DEPDC1B: variants seen among roughly 807,000 people sequenced by gnomAD.
The protein encoded by DEPDC1B is DEP domain containing 1B.
In DEPDC1B, 51 loss-of-function variants were observed where a neutral mutation model predicts 66.5. The ratio of observed to expected loss-of-function variants is 0.77; its 90% CI spans 0.61 to 0.97. The LOEUF (loss-of-function observed/expected upper bound fraction) is 0.97, where lower values mean the gene tolerates loss of function less well. Among genes scored for constraint, DEPDC1B ranks in the 50% least tolerant of loss-of-function variants. The pLI is 0.00. For synonymous variants in DEPDC1B, 226 were observed against 223.6 expected (o/e 1.01, Z -0.10); for missense variants, 552 against 637.1 (o/e 0.87, Z 1.44).
In DEPDC1B at chr5:60,644,696, A is replaced by G. The variant is rs768462930; in HGVS notation, c.709+49T>C. 1.2e-5 allele frequency: 18 copies of G among 1,517,032 alleles called. No individual in the cohort carries two copies. The Admixed American group carries it at 3.6e-4, about 31-fold the overall frequency. The allele number at this position is 1,517,032 out of a possible 1,614,324, so 94.0% of individuals were successfully genotyped here. A position where few individuals can be genotyped will look rare whatever the true frequency, so the allele number is the denominator to read the frequency against. On this transcript the variant is annotated intron_variant, in intron 5 of 10. Coordinates refer to ENST00000265036, the MANE Select transcript of DEPDC1B (RefSeq NM_018369.3). ...CAGAAAGGAGCTGATGGACCTGTGCAGCCAATATATTATGTCAATAAGTAA... is the reference window on the plus strand; with the variant it reads ...CAGAAAGGAGCTGATGGACCTGTGCGGCCAATATATTATGTCAATAAGTAA...
chr5:60,661,234 A>G (rs545525249), intron 2 of DEPDC1B, among the ~76,000 whole-genome samples: 1 of 152,326 alleles, frequency 6.6e-6, no homozygotes, highest in South Asian at 2.1e-4. Flanking sequence ...GTAAAGGACC[A>G]CTAGAATCCA....
intron 3 of DEPDC1B, among the ~76,000 whole-genome samples, chr5:60,646,134 T>C (rs961730695): frequency 1.3e-5 from 2 of 152,218 alleles, no homozygotes; most frequent in Admixed American, 6.5e-5. Flanking sequence ...CAAGGACAGC[T>C]GAAGATGGCA....
intron 2 of DEPDC1B, among the ~76,000 whole-genome samples, chr5:60,654,027 G>C (rs1753519838): frequency 6.7e-6 from 1 of 149,424 alleles, no homozygotes. Flanking sequence ...ATAGCTTGAA[G>C]TCAGGCAATG....
chr5:60,672,695 C>T lies in DEPDC1B; in HGVS notation c.314+14267G>A, dbSNP rs532464606. 6.6e-5 allele frequency among the ~76,000 whole-genome samples: 10 copies of T among 152,218 alleles called. No homozygotes were observed. In the South Asian group the frequency reaches 1.9e-3, roughly 28 times the overall value. The stretch of plus-strand genomic sequence containing the variant: ...TATATCCTAAAAACAGAAATGTTAG[C>T]AGTCTTACTTTGTAGATGAGGTCAC... On this transcript the variant is annotated intron_variant, in intron 2 of 10. Transcript: ENST00000265036.
chr5:60,667,378 T>C (rs1309245581), intron 2 of DEPDC1B, among the ~76,000 whole-genome samples: 2 of 150,186 alleles, frequency 1.3e-5, no homozygotes, highest in African/African-American at 4.9e-5. Flanking sequence ...ATATTTTACA[T>C]ATATACAAAA....
chr5:60,670,888 G>T (rs946526006), intron 2 of DEPDC1B, among the ~76,000 whole-genome samples: 1 of 152,164 alleles, frequency 6.6e-6, no homozygotes, highest in African/African-American at 2.4e-5. Context: ...GAAGAGAAAA[G>T]GAATCACTAT....
chr5:60,686,533 CA>C (rs1441597812), intron 2 of DEPDC1B, among the ~76,000 whole-genome samples: 1 of 152,166 alleles, frequency 6.6e-6, no homozygotes, highest in African/African-American at 2.4e-5. Context: ...GGAATTCTAG[CA>C]TAATTCTTCA....
In DEPDC1B at chr5:60,658,964, G is replaced by A. The variant is rs564658382; in HGVS notation, c.315-11431C>T. Among the ~76,000 whole-genome samples, 251 of 152,248 alleles carry A rather than the reference G, an allele frequency of 1.6e-3. 4 individuals carry two copies. The East Asian group carries it at 0.03, about 18-fold the overall frequency. ...GTGTCTGCTGTGCTTCTGATCCAGC[G>A]AGACACCCATTGCCGCTCCCAATCG... On this transcript the variant is annotated intron_variant, in intron 2 of 10. Transcript: ENST00000265036.
intron 7 of DEPDC1B, among the ~76,000 whole-genome samples, chr5:60,613,298 T>C (rs994430431): frequency 6.6e-5 from 10 of 152,190 alleles, no homozygotes; most frequent in African/African-American, 1.9e-4. Context: ...AGTAGACTCA[T>C]GGAAATATTC....
At chr5:60,690,717 T>C (rs771160246) in intron 1 of DEPDC1B, among the ~76,000 whole-genome samples, 1 of 152,222 alleles carries the variant, frequency 6.6e-6, no homozygotes, top group South Asian at 2.1e-4. Context: ...CTTTAAACTG[T>C]ATTTCTGATC....
At chr5:60,698,196 C>G (rs1438603766) in intron 1 of DEPDC1B, among the ~76,000 whole-genome samples, 2 of 152,214 alleles carry the variant, frequency 1.3e-5, no homozygotes, top group African/African-American at 4.8e-5. Context: ...GACCCCAGAT[C>G]ATTCTGGTGT....
intron 7 of DEPDC1B, among the ~76,000 whole-genome samples, chr5:60,611,093 C>T (rs561330939): frequency 6.6e-6 from 1 of 152,282 alleles, no homozygotes; most frequent in South Asian, 2.1e-4. Flanking sequence ...ACCATTTTTC[C>T]AACAACATGG....
At chr5:60,617,025 T>C (rs1042567979) in intron 7 of DEPDC1B, among the ~76,000 whole-genome samples, 1 of 152,158 alleles carries the variant, frequency 6.6e-6, no homozygotes, top group African/African-American at 2.4e-5. Flanking sequence ...GAATTTCATA[T>C]CCAGCCAAAC....
At chr5:60,687,954 T>C (rs1754460710) in intron 1 of DEPDC1B, 1 of 154,832 alleles carries the variant, frequency 6.5e-6, no homozygotes, top group South Asian at 1.8e-4. Flanking sequence ...GTCCTATTAA[T>C]GGATTTTTAC....
At chr5:60,665,791 G>A (rs1433510855) in intron 2 of DEPDC1B, among the ~76,000 whole-genome samples, 1 of 152,176 alleles carries the variant, frequency 6.6e-6, no homozygotes. Context: ...TAAACACGGG[G>A]CTTGTAACTC....
At chr5:60,645,683 T>C in intron 3 of DEPDC1B, 64 bp from the exon 4 acceptor site, 1 of 1,505,596 alleles carries the variant, frequency 6.6e-7, no homozygotes, top group Non-Finnish European at 9.0e-7. Flanking sequence ...TGAATAAATA[T>C]TTCAATATAA....
chr5:60,661,073 G>T (rs1380253994), intron 2 of DEPDC1B, among the ~76,000 whole-genome samples: 1 of 152,138 alleles, frequency 6.6e-6, no homozygotes, highest in African/African-American at 2.4e-5. Flanking sequence ...TGACTCAAAA[G>T]GTTACCTACA....
intron 1 of DEPDC1B, among the ~76,000 whole-genome samples, chr5:60,695,046 T>C (rs1419729305): frequency 6.6e-6 from 1 of 152,216 alleles, no homozygotes; most frequent in Non-Finnish European, 1.5e-5. Context: ...AAAATATTTA[T>C]CAAAATTTCC....
chr5:60,602,904 A>G (rs1401809560), intron 9 of DEPDC1B, among the ~76,000 whole-genome samples: 4 of 152,202 alleles, frequency 2.6e-5, no homozygotes, highest in Non-Finnish European at 4.4e-5. Context: ...CTACTGTACT[A>G]TGATTTTTAG....
Sources: allele counts gnomAD v4.1 joint callset (sites outside exome capture counted in the v4.1 genomes callset), GRCh38; gene constraint gnomAD v4.1.1; transcripts MANE v1.5; gene names NCBI Gene and HGNC (gene_info 2026-07-23, HGNC 2026-07-21).